MRPL39: variants seen among roughly 807,000 people sequenced by gnomAD.
MRPL39 encodes large ribosomal subunit protein mL39.
In MRPL39, 35 loss-of-function variants were observed where a neutral mutation model predicts 44.5. The observed-to-expected ratio is 0.79, with a 90% CI of 0.60 to 1.04. MRPL39 has a LOEUF of 1.04. Ranked by LOEUF, MRPL39 falls within the 50% of genes least tolerant of loss-of-function variation. The pLI, the probability that MRPL39 is intolerant of heterozygous loss-of-function variation, is 0.00. For missense variants in MRPL39, 433 were observed against 413.5 expected, an observed-to-expected ratio of 1.05 and a Z score of -0.41; for synonymous variants, 139 against 136.1, an observed-to-expected ratio of 1.02 and a Z score of -0.15.
At chr21:25,598,193 T>C (rs2031416265) in intron 5 of MRPL39, among the ~76,000 whole-genome samples, 1 of 152,146 alleles carries the variant, frequency 6.6e-6, no homozygotes, top group Admixed American at 6.5e-5. Flanking sequence ...TTAATACAAC[T>C]ATTCCTTCAA....
chr21:25,603,170 T>G (rs530087819), intron 3 of MRPL39, among the ~76,000 whole-genome samples: 1 of 152,126 alleles, frequency 6.6e-6, no homozygotes. Context: ...GAGTTCTTTA[T>G]AGCCGTGTGA....
At chr21:25,588,942 CAG>C (rs1373973080) in intron 8 of MRPL39, 60 bp from the exon 9 acceptor site, 24 of 1,402,816 alleles carry the variant, frequency 1.7e-5, no homozygotes, top group East Asian at 2.3e-5. Context: ...GTAAAAAGGA[CAG>C]AGTCTTTATA....
chr21:25,607,684 T>C (rs2031738822), upstream of MRPL39, among the ~76,000 whole-genome samples: 1 of 151,970 alleles, frequency 6.6e-6, no homozygotes, highest in African/African-American at 2.4e-5. Flanking sequence ...GCTCGATACC[T>C]GGGCGCGGTC....
chr21:25,607,548 G>A (rs1008463501), upstream of MRPL39: 1 of 1,497,296 alleles, frequency 6.7e-7, no homozygotes, highest in Non-Finnish European at 9.1e-7. Flanking sequence ...CGCACTCGGA[G>A]TTCCGCAGGA....
intron 5 of MRPL39, 24 bp from the exon 6 acceptor site, chr21:25,597,438 T>C (rs1357409677): frequency 7.7e-7 from 1 of 1,305,046 alleles, no homozygotes; most frequent in Non-Finnish European, 1.1e-6. Flanking sequence ...GTAATAACCT[T>C]TAGTAACAAT....
At chr21:25,606,268 A>C in intron 2 of MRPL39, among the ~76,000 whole-genome samples, 181 bp downstream of exon 2, 1 of 152,116 alleles carries the variant, frequency 6.6e-6, no homozygotes, top group Non-Finnish European at 1.5e-5. Context: ...TGCTCTTTTT[A>C]GCTAGGTCTG....
chr21:25,594,257 T>TAC (rs2031281956), intron 6 of MRPL39, among the ~76,000 whole-genome samples: 1 of 148,568 alleles, frequency 6.7e-6, no homozygotes, highest in Admixed American at 6.7e-5. Context: ...TTCTTTTTTT[T>TAC]TTTTTTTTTT....
Position 25,603,786 on chromosome 21 carries a change from A to C in MRPL39, c.420+10T>G. ...GGGGAAATAGAAAAAGAATGTAGAG[A>C]TAGAAATACCTTATTCACTTCTCCT... On this transcript the variant is annotated intron_variant, in intron 3 of 9. Transcript: ENST00000352957. The C allele has an allele frequency of 6.3e-7, 1 of 1,595,546 alleles. No individual in the cohort carries two copies. Among genetic ancestry groups the C allele is most frequent in the Non-Finnish European group, 8.5e-7 (1 of 1,172,896 alleles).
At chr21:25,595,377 C>A (rs2031324375) in intron 6 of MRPL39, among the ~76,000 whole-genome samples, 2 of 152,186 alleles carry the variant, frequency 1.3e-5, no homozygotes, top group South Asian at 4.1e-4. Context: ...CAGAAGGACT[C>A]AATCACTGAC....
rs774720183 is a variant in MRPL39 at position 25,606,648 on chromosome 21, T to C, written c.81A>G (p.Ile27Met). The C allele has an allele frequency of 3.1e-6, 5 of 1,609,982 alleles. No homozygotes were observed. Among genetic ancestry groups the C allele is most frequent in the East Asian group, 2.2e-5 (1 of 44,868 alleles). Residue 27 changes from isoleucine (I) to methionine (M), a missense_variant, in exon 2 of 10, where the codon ATA (isoleucine) becomes ATG (methionine). Ile to Met is a conservative substitution (Grantham distance 10). Transcript: ENST00000352957. ...ACAGCTGAGAAGCTGACGATGTTGC[T>C]ATAAATCCTGTGGAGAAGTTACAAT... ...APGGGIKWRF[I>M]ATSSASQLSP...
chr21:25,586,334 T>C, intron 9 of MRPL39, among the ~76,000 whole-genome samples: 1 of 152,154 alleles, frequency 6.6e-6, no homozygotes, highest in East Asian at 1.9e-4. Context: ...GCATATTCCA[T>C]CAACAGTCCT....
At chr21:25,602,111 T>G (rs1307931085) in intron 3 of MRPL39, among the ~76,000 whole-genome samples, 2 of 152,246 alleles carry the variant, frequency 1.3e-5, no homozygotes, top group Non-Finnish European at 2.9e-5. Context: ...TCAGAAGCTC[T>G]TCTTAACATC....
At chr21:25,593,872 A>G in intron 7 of MRPL39, 21 bp downstream of exon 7, 1 of 1,605,040 alleles carries the variant, frequency 6.2e-7, no homozygotes, top group Non-Finnish European at 8.5e-7. Flanking sequence ...CATAGCAGCC[A>G]GTTTTTAGAC....
rs763407437 is a variant in MRPL39 at position 25,606,570 on chromosome 21, G to A, written c.159C>T (p.Ala53=). ...TTCGGGGAGTTAATGATAACTGCCT[G>A]GCTTTCTCTTTATTAAAGAGATCAT... ...MRNDLFNKEK[A]RQLSLTPRTE... The change falls in exon 2 of 10, where the codon GCC becomes GCT. Residue 53 remains alanine, a synonymous_variant. Transcript: ENST00000352957. The A allele has an allele frequency of 3.7e-5, 60 of 1,613,676 alleles. No individual in the cohort carries two copies. Among genetic ancestry groups the A allele is most frequent in the Non-Finnish European group, 4.8e-5 (57 of 1,179,746 alleles).
intron 6 of MRPL39, among the ~76,000 whole-genome samples, chr21:25,595,920 G>C (rs1261097036): frequency 1.3e-5 from 2 of 152,112 alleles, no homozygotes; most frequent in East Asian, 3.8e-4. Flanking sequence ...GCTATAAATG[G>C]TGGTTTGGTT....
At chr21:25,604,014 A>AT (rs2031596320) in intron 2 of MRPL39, 79 bp from the exon 3 acceptor site, 1 of 1,356,926 alleles carries the variant, frequency 7.4e-7, no homozygotes, top group Non-Finnish European at 1.0e-6. Context: ...ATTTAGAAAT[A>AT]TAACAATGGA....
At position 25,592,949 on chromosome 21, in the gene MRPL39, C is replaced by G; in HGVS notation, c.784G>C (p.Asp262His). Residue 262 changes from aspartate (D) to histidine (H), a missense_variant, in exon 8 of 10, where the codon GAT (aspartate) becomes CAT (histidine). By Grantham distance (81) the Asp-to-His change is moderately conservative. Coordinates refer to ENST00000352957, the MANE Select transcript of MRPL39 (RefSeq NM_017446.4). ...VKLHRIGDFI[D>H]VSEGPLIPRT... ...GGAATAAGAGGGCCCTCACTCACAT[C>G]AATGAAGTCACCTATTCTGATTGAT... is the stretch of plus-strand genomic sequence containing the variant. 1 of 1,611,458 alleles carries G rather than the reference C, an allele frequency of 6.2e-7. No individual in the cohort carries two copies. Among genetic ancestry groups the G allele is most frequent in the East Asian group, 2.2e-5 (1 of 44,836 alleles).
intron 2 of MRPL39, among the ~76,000 whole-genome samples, chr21:25,605,822 T>G (rs1487699874): frequency 6.6e-6 from 1 of 152,134 alleles, no homozygotes; most frequent in Admixed American, 6.5e-5. Context: ...GGAGTTTCAG[T>G]GAGCTATGAT....
At chr21:25,600,352 C>T (rs891432496) in intron 4 of MRPL39, among the ~76,000 whole-genome samples, 6 of 134,700 alleles carry the variant, frequency 4.5e-5, no homozygotes, top group Non-Finnish European at 9.2e-5. Context: ...GCCAAGATCG[C>T]GCCACTGCAC....
Sources: gnomAD v4.1 joint callset for allele counts (sites outside exome capture counted in the v4.1 genomes callset) on GRCh38, gnomAD v4.1.1 for gene constraint, MANE v1.5 for transcripts, NCBI Gene and HGNC (gene_info 2026-07-23, HGNC 2026-07-21) for gene names.